The following LRRC4C variants were observed in gnomAD, a reference collection of about 807,000 sequenced individuals.
LRRC4C encodes leucine-rich repeat-containing protein 4C.
Under a neutral mutation model 33.6 loss-of-function variants are expected in LRRC4C, and 5 were observed. The ratio of observed to expected loss-of-function variants is 0.15; its 90% CI spans 0.08 to 0.31. LRRC4C has a LOEUF of 0.31. Ranked by LOEUF, LRRC4C falls within the 10% of genes least tolerant of loss-of-function variation. The pLI is 1.00. For missense variants in LRRC4C, 560 were observed against 796.7 expected (o/e 0.70, Z 3.58); for synonymous variants, 329 against 302.0 (o/e 1.09, Z -0.93).
intron 1 of LRRC4C, among the ~76,000 whole-genome samples, chr11:41,073,906 T>C (rs1938909138): frequency 1.3e-5 from 2 of 152,210 alleles, no homozygotes; most frequent in African/African-American, 4.8e-5. Flanking sequence ...CAGTCCTTTT[T>C]CCAACATACA....
intron 3 of LRRC4C, among the ~76,000 whole-genome samples, chr11:40,437,933 C>T (rs1197038703): frequency 6.6e-6 from 1 of 152,210 alleles, no homozygotes; most frequent in Non-Finnish European, 1.5e-5. Flanking sequence ...GTCTCGATCT[C>T]TTGACCTCGT....
At chr11:40,886,644 T>C (rs1263129682) in intron 2 of LRRC4C, among the ~76,000 whole-genome samples, 1 of 151,928 alleles carries the variant, frequency 6.6e-6, no homozygotes, top group Non-Finnish European at 1.5e-5. Context: ...ACATCTTTTA[T>C]TATTCAATTT....
rs942122430 is a variant in LRRC4C, at chr11:40,909,557, A to G, written c.-407+24078T>C. Among the ~76,000 whole-genome samples, 3 of 152,198 alleles carry G rather than the reference A, an allele frequency of 2.0e-5. No individual in the cohort carries two copies. The East Asian group carries it at 5.8e-4, about 30-fold the overall frequency. On this transcript the variant is annotated intron_variant, in intron 2 of 6. Coordinates refer to ENST00000528697, the MANE Select transcript of LRRC4C (RefSeq NM_001258419.2). Reference sequence around the variant, plus strand: ...TATATTCACAGATAATTTCATACAGAGAACAACTTTTTTTTCCCATAATGA... The same window carrying G: ...TATATTCACAGATAATTTCATACAGGGAACAACTTTTTTTTCCCATAATGA...
chr11:40,911,763 G>A (rs1956705905), intron 2 of LRRC4C, among the ~76,000 whole-genome samples: 1 of 152,172 alleles, frequency 6.6e-6, no homozygotes, highest in Non-Finnish European at 1.5e-5. Context: ...AAAGGAGGAA[G>A]TTCGAACCCA....
chr11:40,756,793 C>G (rs1948971789), intron 2 of LRRC4C, among the ~76,000 whole-genome samples: 1 of 152,060 alleles, frequency 6.6e-6, no homozygotes, highest in Non-Finnish European at 1.5e-5. Flanking sequence ...ATCAACATGA[C>G]TTTATTCTAA....
chr11:40,163,024 T>A (rs563930303), intron 5 of LRRC4C, among the ~76,000 whole-genome samples: 1 of 152,166 alleles, frequency 6.6e-6, no homozygotes, highest in Non-Finnish European at 1.5e-5. Context: ...TCTATTATAG[T>A]TTTGTTAAAG....
chr11:41,081,445 A>G (rs567380175), intron 1 of LRRC4C, among the ~76,000 whole-genome samples: 135 of 152,332 alleles, frequency 8.9e-4, no homozygotes, highest in African/African-American at 3.2e-3. Context: ...CAGCCATTCA[A>G]GCATCAAGAT....
chr11:40,154,287 C>CAAAAAAAAAAAAAAAAAAAAAAAAAAAA (rs60017606), intron 5 of LRRC4C, among the ~76,000 whole-genome samples: 1 of 114,204 alleles, frequency 8.8e-6, no homozygotes. Flanking sequence ...AGCTAAAAAG[C>CAAAAAAAAAAAAAAAAAAAAAAAAAAAA]AAAAAAAAAA....
At chr11:41,005,497 G>A (rs1854680667) in intron 1 of LRRC4C, among the ~76,000 whole-genome samples, 1 of 152,076 alleles carries the variant, frequency 6.6e-6, no homozygotes, top group Non-Finnish European at 1.5e-5. Flanking sequence ...CCAGCTGCTC[G>A]GGAGGCTGAG....
chr11:41,301,639 A>T (rs1290897324), intron 1 of LRRC4C, among the ~76,000 whole-genome samples: 3 of 152,182 alleles, frequency 2.0e-5, no homozygotes, highest in Non-Finnish European at 2.9e-5. Context: ...TAGTGACTGG[A>T]TGCTATTTCT....
intron 2 of LRRC4C, among the ~76,000 whole-genome samples, chr11:40,876,001 T>C (rs1954869484): frequency 6.6e-6 from 1 of 152,140 alleles, no homozygotes; most frequent in East Asian, 1.9e-4. Flanking sequence ...TTTTGGTTGC[T>C]GTCACTGTAG....
At chr11:40,405,702 T>C (rs1216310328) in intron 3 of LRRC4C, among the ~76,000 whole-genome samples, 2 of 148,044 alleles carry the variant, frequency 1.4e-5, no homozygotes, top group Non-Finnish European at 3.0e-5. Context: ...ACAATTTCTT[T>C]TTGAGGAACT....
intron 2 of LRRC4C, among the ~76,000 whole-genome samples, chr11:40,821,235 A>C (rs1951914564): frequency 6.6e-6 from 1 of 151,730 alleles, no homozygotes; most frequent in African/African-American, 2.4e-5. Flanking sequence ...TTAACCAATA[A>C]ATTCAATACA....
At chr11:41,029,537 T>C (rs944493132) in intron 1 of LRRC4C, among the ~76,000 whole-genome samples, 2 of 151,836 alleles carry the variant, frequency 1.3e-5, no homozygotes, top group African/African-American at 4.8e-5. Context: ...TTACAAATTA[T>C]AATGATCAAA....
At chr11:40,143,452 CT>C (rs1857512786) in intron 5 of LRRC4C, among the ~76,000 whole-genome samples, 1 of 152,126 alleles carries the variant, frequency 6.6e-6, no homozygotes, top group South Asian at 2.1e-4. Context: ...TCACTCTGCT[CT>C]GACTACCACA....
chr11:40,188,718 A>G (rs904164089), intron 5 of LRRC4C, among the ~76,000 whole-genome samples: 4 of 152,154 alleles, frequency 2.6e-5, no homozygotes, highest in Non-Finnish European at 4.4e-5. Context: ...ACAAACACAC[A>G]CACACATGCA....
At chr11:41,040,534 C>A (rs1278747694) in intron 1 of LRRC4C, among the ~76,000 whole-genome samples, 1 of 152,176 alleles carries the variant, frequency 6.6e-6, no homozygotes, top group Non-Finnish European at 1.5e-5. Context: ...CTCTCAACAG[C>A]AGTTCTCAGC....
intron 4 of LRRC4C, among the ~76,000 whole-genome samples, chr11:40,295,766 T>G (rs908818339): frequency 6.6e-6 from 1 of 152,230 alleles, no homozygotes; most frequent in Non-Finnish European, 1.5e-5. Context: ...ATGAATTACA[T>G]GAAAATGTGA....
At chr11:40,739,204 T>A (rs1234353875) in intron 2 of LRRC4C, among the ~76,000 whole-genome samples, 1 of 152,000 alleles carries the variant, frequency 6.6e-6, no homozygotes, top group Admixed American at 6.6e-5. Context: ...TTAATCACCA[T>A]CTCCTCATTT....
Sources: allele counts gnomAD v4.1 joint callset (sites outside exome capture counted in the v4.1 genomes callset), GRCh38; gene constraint gnomAD v4.1.1; transcripts MANE v1.5; gene names NCBI Gene and HGNC (gene_info 2026-07-23, HGNC 2026-07-21).